Variants in TMEM117 observed in about 807,000 individuals in gnomAD.
TMEM117 encodes transmembrane protein 117.
In TMEM117, 27 loss-of-function variants were observed where a neutral mutation model predicts 52.4. The observed-to-expected ratio is 0.51, with a 90% CI of 0.38 to 0.71. TMEM117 has a LOEUF of 0.71. Ranked by LOEUF, TMEM117 falls within the 30% of genes least tolerant of loss-of-function variation. TMEM117 has a pLI of 0.00. For missense variants in TMEM117, 556 were observed against 630.5 expected, an observed-to-expected ratio of 0.88 and a Z score of 1.26; for synonymous variants, 215 against 206.3, an observed-to-expected ratio of 1.04 and a Z score of -0.36.
At chr12:43,800,366 C>T in the TMEM117 span, 2 of 1,081,776 alleles carry the variant, frequency 1.8e-6, no homozygotes, top group Non-Finnish European at 2.7e-6. Flanking sequence ...TATCAATTAC[C>T]CATTACCTAG....
At chr12:43,912,449 T>C in intron 2 of TMEM117, among the ~76,000 whole-genome samples, 1 of 149,924 alleles carries the variant, frequency 6.7e-6, no homozygotes, top group Non-Finnish European at 1.5e-5. Flanking sequence ...TATACGTATG[T>C]AACTAACCTG....
intron 2 of TMEM117, among the ~76,000 whole-genome samples, chr12:43,913,370 TATA>T (rs1278961298): frequency 6.6e-6 from 1 of 152,218 alleles, no homozygotes; most frequent in Non-Finnish European, 1.5e-5. Context: ...CATATTGTTT[TATA>T]ATCATATTTT....
chr12:44,102,246 A>G (rs1798536038), intron 3 of TMEM117, among the ~76,000 whole-genome samples: 1 of 152,044 alleles, frequency 6.6e-6, no homozygotes, highest in African/African-American at 2.4e-5. Context: ...TGCTTGCTGT[A>G]AGGAACATTT....
At chr12:43,903,134 C>G (rs887492495) in intron 2 of TMEM117, among the ~76,000 whole-genome samples, 3 of 152,240 alleles carry the variant, frequency 2.0e-5, no homozygotes, top group African/African-American at 7.2e-5. Flanking sequence ...TCAGACCTCT[C>G]TTGGTGCTAC....
intron 4 of TMEM117, among the ~76,000 whole-genome samples, chr12:44,184,214 C>CA (rs1949245513): frequency 6.6e-6 from 1 of 152,066 alleles, no homozygotes; most frequent in Non-Finnish European, 1.5e-5. Context: ...AGTGTGGTGG[C>CA]AGGTGCCTGT....
chr12:43,842,214 T>C (rs1943127127), intron 1 of TMEM117, among the ~76,000 whole-genome samples: 1 of 152,230 alleles, frequency 6.6e-6, no homozygotes, highest in South Asian at 2.1e-4. Flanking sequence ...CTCTGCTCTC[T>C]TTGATGTGAG....
chr12:44,332,683 T>TAAAAA (rs1482658454), intron 6 of TMEM117, among the ~76,000 whole-genome samples: 60 of 150,436 alleles, frequency 4.0e-4, no homozygotes, highest in Non-Finnish European at 6.7e-4. Flanking sequence ...TAGGAGCTTA[T>TAAAAA]AAAAACAAAT....
At chr12:44,301,098 G>T (rs941680848) in intron 6 of TMEM117, among the ~76,000 whole-genome samples, 4 of 152,162 alleles carry the variant, frequency 2.6e-5, no homozygotes, top group African/African-American at 4.8e-5. Context: ...GGTATTAGTA[G>T]CCCAGTAGAC....
chr12:44,125,323 G>A (rs1373649044), intron 3 of TMEM117, among the ~76,000 whole-genome samples: 1 of 152,046 alleles, frequency 6.6e-6, no homozygotes, highest in Non-Finnish European at 1.5e-5. Flanking sequence ...TAGCCAGGAT[G>A]GTCTCGATCT....
chr12:44,271,359 A>G (rs748928231), intron 5 of TMEM117, among the ~76,000 whole-genome samples: 1 of 152,056 alleles, frequency 6.6e-6, no homozygotes, highest in Non-Finnish European at 1.5e-5. Context: ...GCCTGAGAGC[A>G]TAACTGTCTT....
intron 5 of TMEM117, among the ~76,000 whole-genome samples, chr12:44,244,941 A>G (rs1449227087): frequency 6.6e-6 from 1 of 152,024 alleles, no homozygotes; most frequent in Non-Finnish European, 1.5e-5. Flanking sequence ...CCACTTATGA[A>G]GATACTGCAT....
chr12:43,864,948 G>A (rs577345235), intron 2 of TMEM117, among the ~76,000 whole-genome samples: 27 of 151,998 alleles, frequency 1.8e-4, no homozygotes, highest in African/African-American at 2.9e-4. Flanking sequence ...CAAACCCACC[G>A]GGAGGAACGA....
At chr12:44,198,426 C>T (rs541475623) in intron 4 of TMEM117, among the ~76,000 whole-genome samples, 102 of 152,198 alleles carry the variant, frequency 6.7e-4, no homozygotes, top group African/African-American at 2.4e-3. Context: ...GCTTGTATTG[C>T]CTATTCCATA....
intron 4 of TMEM117, among the ~76,000 whole-genome samples, chr12:44,201,893 G>T (rs1289502185): frequency 6.6e-6 from 1 of 152,036 alleles, no homozygotes; most frequent in Non-Finnish European, 1.5e-5. Context: ...TAAATATAGT[G>T]TAAGAAAGTA....
chr12:44,130,797 A>G (rs549483429), intron 3 of TMEM117, among the ~76,000 whole-genome samples: 4 of 151,756 alleles, frequency 2.6e-5, no homozygotes, highest in Admixed American at 6.6e-5. Flanking sequence ...CTAAATTTTC[A>G]TTTTTAGTTT....
intron 3 of TMEM117, among the ~76,000 whole-genome samples, chr12:44,097,011 T>G (rs1947776306): frequency 6.6e-6 from 1 of 151,892 alleles, no homozygotes; most frequent in Non-Finnish European, 1.5e-5. Flanking sequence ...CTCAAACAAA[T>G]TTACAAGAAA....
At chr12:43,874,426 C>CA (rs11436135) in intron 2 of TMEM117, among the ~76,000 whole-genome samples, 103,339 of 143,946 alleles carry the variant, frequency 0.72, 39,361 homozygotes, top group South Asian at 0.86. Flanking sequence ...ACTAAAAGTA[C>CA]AAAAAAAAAA....
the TMEM117 span, among the ~76,000 whole-genome samples, chr12:43,820,858 T>C: frequency 6.6e-6 from 1 of 151,696 alleles, no homozygotes; most frequent in Non-Finnish European, 1.5e-5. Context: ...TCCCAGCACT[T>C]TGGGAGGCCG....
the TMEM117 span, among the ~76,000 whole-genome samples, chr12:43,801,161 T>C: frequency 2.4e-4 from 37 of 152,326 alleles, no homozygotes; most frequent in Admixed American, 4.6e-4. Context: ...GAAGTAACTT[T>C]GATAGTGACA....
Sources: gnomAD v4.1 joint callset for allele counts (sites outside exome capture counted in the v4.1 genomes callset) on GRCh38, gnomAD v4.1.1 for gene constraint, MANE v1.5 for transcripts, NCBI Gene and HGNC (gene_info 2026-07-23, HGNC 2026-07-21) for gene names.